FBXO34: variants seen among roughly 807,000 people sequenced by gnomAD.
FBXO34 encodes F-box protein 34.
A neutral mutation model predicts 24.5 loss-of-function variants in FBXO34; 12 were observed. That is an observed-to-expected ratio of 0.49 (90% CI 0.31 to 0.79). The LOEUF is 0.79. Ranked by LOEUF, FBXO34 falls within the 30% of genes least tolerant of loss-of-function variation. The pLI is 0.04. For synonymous variants in FBXO34, 320 were observed against 311.9 expected (o/e 1.03, Z -0.27); for missense variants, 823 against 857.7 (o/e 0.96, Z 0.51).
chr14:55,432,181 G>T, the FBXO34 span, among the ~76,000 whole-genome samples: 1 of 150,970 alleles, frequency 6.6e-6, no homozygotes, highest in Non-Finnish European at 1.5e-5. Context: ...ACCAAGGTGG[G>T]AGGACTACTT....
At chr14:55,435,924 A>T in the FBXO34 span, 1 of 1,575,910 alleles carries the variant, frequency 6.3e-7, no homozygotes, top group East Asian at 2.3e-5. Flanking sequence ...TTTACAGTGG[A>T]AACTATATTC....
intron 1 of FBXO34, among the ~76,000 whole-genome samples, chr14:55,349,405 G>A (rs979185710): frequency 6.6e-6 from 1 of 151,982 alleles, no homozygotes; most frequent in African/African-American, 2.4e-5. Context: ...AGTTTAAAAT[G>A]GTTTTAGAAT....
In FBXO34 at chr14:55,342,864, G is replaced by A. The variant is rs186593125; in HGVS notation, c.-10-7517G>A. On this transcript the variant is annotated intron_variant, in intron 1 of 1. Coordinates refer to ENST00000313833, the MANE Select transcript of FBXO34 (RefSeq NM_017943.4). Reference sequence around the variant, plus strand: ...GTCAGAATTATTTAATTTTATTTGCGTCATAATTTATCGTAGGTTTTCGAT... The same window carrying A: ...GTCAGAATTATTTAATTTTATTTGCATCATAATTTATCGTAGGTTTTCGAT... Among the ~76,000 whole-genome samples the A allele has an allele frequency of 1.1e-3, 161 of 152,264 alleles. 1 individual carries two copies. Among genetic ancestry groups the A allele is most frequent in the Non-Finnish European group, 2.1e-3 (142 of 68,016 alleles).
the FBXO34 span, chr14:55,382,284 T>A: frequency 9.3e-7 from 1 of 1,080,592 alleles, no homozygotes; most frequent in Non-Finnish European, 1.4e-6. Context: ...ATCGAAAAGC[T>A]GCCTATGAGC....
At chr14:55,297,458 T>C (rs1200851869) in intron 1 of FBXO34, among the ~76,000 whole-genome samples, 1 of 152,194 alleles carries the variant, frequency 6.6e-6, no homozygotes, top group Non-Finnish European at 1.5e-5. Context: ...TACCCACTTA[T>C]TAGGGTTGTT....
At chr14:55,432,446 A>AAAAAAAACACAC in the FBXO34 span, among the ~76,000 whole-genome samples, 1 of 151,390 alleles carries the variant, frequency 6.6e-6, no homozygotes, top group African/African-American at 2.4e-5. Context: ...ACAAACAACA[A>AAAAAAAACACAC]AAAAAACACC....
At position 55,352,244 on chromosome 14, in the gene FBXO34, T is replaced by C; in HGVS notation, c.1854T>C (p.Asp618=). 6.2e-7 allele frequency: 1 copy of C among 1,614,030 alleles called. No homozygotes were observed. The highest frequency in any genetic ancestry group is 8.5e-7 in the Non-Finnish European group (1 of 1,179,990). ...IIEYYNIRPA[D]SRWVRDPRYR... is the part of the protein sequence containing the mutation. ...AGTACTACAATATCAGGCCAGCAGA[T>C]TCTCGCTGGGTTCGAGATCCACGCT... is the stretch of plus-strand genomic sequence containing the variant. Residue 618 remains aspartate, a synonymous_variant, in exon 2 of 2, where the codon GAT becomes GAC. Coordinates refer to ENST00000313833, the MANE Select transcript of FBXO34 (RefSeq NM_017943.4).
chr14:55,320,194 A>G (rs1340202703), intron 1 of FBXO34, among the ~76,000 whole-genome samples: 1 of 152,200 alleles, frequency 6.6e-6, no homozygotes, highest in Non-Finnish European at 1.5e-5. Context: ...GAAAGAGGAA[A>G]TCTACCAGCA....
At chr14:55,422,390 C>T in the FBXO34 span, among the ~76,000 whole-genome samples, 15 of 152,286 alleles carry the variant, frequency 9.8e-5, no homozygotes, top group African/African-American at 1.9e-4. Context: ...GGATTACAGG[C>T]GCTTGCCACT....
In FBXO34 at chr14:55,353,195, C is replaced by A. The variant is rs1181088967; in HGVS notation, c.*669C>A. ...CCTCTGTGAATAGCACGATTAAAAT[C>A]CAGTTGTATATAATGGACAGCTAAC... On this transcript the variant is annotated 3_prime_UTR_variant, in exon 2 of 2. Coordinates refer to ENST00000313833, the MANE Select transcript of FBXO34 (RefSeq NM_017943.4). 1.2e-5 allele frequency: 2 copies of A among 166,944 alleles called. No homozygotes were observed. The highest frequency in any genetic ancestry group is 4.8e-5 in the African/African-American group (2 of 41,394). The allele number at this position is 166,944 out of a possible 1,614,324, so 10.3% of individuals were successfully genotyped here.
At chr14:55,291,895 G>C (rs1014632050) in intron 1 of FBXO34, among the ~76,000 whole-genome samples, 1 of 152,118 alleles carries the variant, frequency 6.6e-6, no homozygotes, top group African/African-American at 2.4e-5. Flanking sequence ...GAGCCCAGGA[G>C]TTCAAGGTTA....
At chr14:55,424,073 T>C in the FBXO34 span, 1,980 of 908,196 alleles carry the variant, frequency 2.2e-3, 22 homozygotes, top group African/African-American at 0.029. Context: ...TACTTTACCA[T>C]GGTGAACAAA....
intron 1 of FBXO34, among the ~76,000 whole-genome samples, chr14:55,281,213 C>T (rs935820194): frequency 1.4e-5 from 2 of 143,484 alleles, no homozygotes. Context: ...ATGATCGTGC[C>T]ACTGGACTCC....
chr14:55,279,551 G>A (rs1287552386), intron 1 of FBXO34, among the ~76,000 whole-genome samples: 1 of 152,144 alleles, frequency 6.6e-6, no homozygotes, highest in African/African-American at 2.4e-5. Flanking sequence ...TCAGTTTAAC[G>A]ACACCCTGAA....
chr14:55,439,804 T>G, the FBXO34 span, among the ~76,000 whole-genome samples: 2 of 150,826 alleles, frequency 1.3e-5, no homozygotes, highest in African/African-American at 2.4e-5. Context: ...AGTGGCGGGC[T>G]CCTGTAGTCC....
At chr14:55,426,875 T>C in the FBXO34 span, among the ~76,000 whole-genome samples, 1 of 152,216 alleles carries the variant, frequency 6.6e-6, no homozygotes, top group East Asian at 1.9e-4. Context: ...GCACCTATTC[T>C]AGACTTAGAT....
chr14:55,413,667 C>A, the FBXO34 span: 2 of 371,094 alleles, frequency 5.4e-6, no homozygotes, highest in South Asian at 5.2e-5. Flanking sequence ...TCAGACACCT[C>A]TCCCTTTGAC....
At chr14:55,329,298 C>CT (rs1883456866) in intron 1 of FBXO34, among the ~76,000 whole-genome samples, 1 of 151,966 alleles carries the variant, frequency 6.6e-6, no homozygotes, top group African/African-American at 2.4e-5. Context: ...TTTGAGATGA[C>CT]TGAGAAAATT....
At chr14:55,428,662 A>G in the FBXO34 span, 1 of 841,802 alleles carries the variant, frequency 1.2e-6, no homozygotes, top group Non-Finnish European at 1.8e-6. Context: ...GAACTCAGGC[A>G]TAGCATCTTA....
Sources: gnomAD v4.1 joint callset for allele counts (sites outside exome capture counted in the v4.1 genomes callset) on GRCh38, gnomAD v4.1.1 for gene constraint, MANE v1.5 for transcripts, NCBI Gene and HGNC (gene_info 2026-07-23, HGNC 2026-07-21) for gene names.